CNTLN: variants seen among roughly 807,000 people sequenced by gnomAD.
The protein encoded by CNTLN is centlein, centrosomal protein.
CNTLN carries 212 observed loss-of-function variants against 180.0 expected under a neutral mutation model. The ratio of observed to expected loss-of-function variants is 1.18; its 90% CI spans 1.05 to 1.32. CNTLN has a LOEUF of 1.32. CNTLN is among the 40% of genes most tolerant of loss of function. The probability of loss-of-function intolerance (pLI) is 0.00; values close to 1 mark genes in which losing one functional copy is unlikely to be tolerated. For synonymous variants in CNTLN, 722 were observed against 563.1 expected (o/e 1.28, Z -3.99); for missense variants, 2,095 against 1,610.9 (o/e 1.30, Z -5.14).
intron 8 of CNTLN, among the ~76,000 whole-genome samples, chr9:17,318,610 A>G (rs186040593): frequency 1.5e-3 from 224 of 152,288 alleles, no homozygotes; most frequent in African/African-American, 5.0e-3. Flanking sequence ...GGACAAATGA[A>G]TTTGCTATTT....
At chr9:17,362,772 A>T (rs1470219462) in intron 12 of CNTLN, among the ~76,000 whole-genome samples, 1 of 151,704 alleles carries the variant, frequency 6.6e-6, no homozygotes, top group Non-Finnish European at 1.5e-5. Flanking sequence ...AAGTTCTGGG[A>T]TACATGTGCA....
At chr9:17,391,648 T>C (rs927562677) in intron 14 of CNTLN, among the ~76,000 whole-genome samples, 3 of 152,214 alleles carry the variant, frequency 2.0e-5, no homozygotes, top group African/African-American at 7.2e-5. Flanking sequence ...ATTTATTTGT[T>C]ATATTTGTTT....
chr9:17,431,371 A>T (rs953852770), intron 18 of CNTLN, among the ~76,000 whole-genome samples: 1 of 151,888 alleles, frequency 6.6e-6, no homozygotes, highest in African/African-American at 2.4e-5. Flanking sequence ...TGTCTGTTCA[A>T]ATCTTTTGCC....
chr9:17,324,100 G>A (rs1820104466), intron 8 of CNTLN, among the ~76,000 whole-genome samples: 4 of 152,148 alleles, frequency 2.6e-5, no homozygotes, highest in Admixed American at 2.6e-4. Context: ...TGTATAACAA[G>A]CATAGTCCCT....
At chr9:17,201,746 G>A (rs775067837) in intron 2 of CNTLN, among the ~76,000 whole-genome samples, 15 of 151,602 alleles carry the variant, frequency 9.9e-5, no homozygotes, top group Non-Finnish European at 2.1e-4. Flanking sequence ...TATTAGTCTA[G>A]CTAGTGATCT....
At chr9:17,164,457 G>GTTTTTTTTTT (rs772109564) in intron 2 of CNTLN, among the ~76,000 whole-genome samples, 7 of 68,456 alleles carry the variant, frequency 1.0e-4, no homozygotes, top group South Asian at 6.9e-4. Flanking sequence ...TTATTTTTAT[G>GTTTTTTTTTT]TTTTTTTTTT....
At chr9:17,155,168 A>C (rs997440312) in intron 2 of CNTLN, among the ~76,000 whole-genome samples, 1 of 152,298 alleles carries the variant, frequency 6.6e-6, no homozygotes, top group Non-Finnish European at 1.5e-5. Context: ...TGAAGGAACA[A>C]ACTCTGGACA....
chr9:17,510,605 G>A, the CNTLN span, among the ~76,000 whole-genome samples: 1 of 152,192 alleles, frequency 6.6e-6, no homozygotes, highest in Non-Finnish European at 1.5e-5. Flanking sequence ...TGTCCCCCAA[G>A]CAAGAGAGAA....
In CNTLN at chr9:17,469,784, G is replaced by A. The variant is rs1162725123; in HGVS notation, c.3855+2893G>A. On this transcript the variant is annotated intron_variant, in intron 23 of 25. Transcript: ENST00000380647. ...CAGATTTAACTCTGGGCCTTTCTCT[G>A]TCATGAATCTGTCCTTTAACTCTGT... 2.0e-5 allele frequency among the ~76,000 whole-genome samples: 3 copies of A among 151,844 alleles called. No individual in the cohort carries two copies. In the East Asian group the frequency reaches 5.8e-4, roughly 29 times the overall value.
At chr9:17,247,786 T>TA (rs1319867518) in intron 5 of CNTLN, among the ~76,000 whole-genome samples, 45 of 151,082 alleles carry the variant, frequency 3.0e-4, no homozygotes, top group African/African-American at 1.1e-3. Context: ...TTACTTTTTT[T>TA]TTTTTTTTTG....
At chr9:17,239,155 A>G (rs1488783666) in intron 5 of CNTLN, among the ~76,000 whole-genome samples, 1 of 152,012 alleles carries the variant, frequency 6.6e-6, no homozygotes, top group Non-Finnish European at 1.5e-5. Flanking sequence ...TCTCCTCCCG[A>G]GAAGAGGCAA....
chr9:17,284,498 G>A lies in CNTLN; in HGVS notation c.983+10632G>A, dbSNP rs187407874. ...CTGGCTCAGTTTTGGGAGGGTGTAT[G>A]TGTCTAGGAATTTATCTGTTTCTTC... is the stretch of plus-strand genomic sequence containing the variant. On this transcript the variant is annotated intron_variant, in intron 6 of 25. Coordinates refer to ENST00000380647, the MANE Select transcript of CNTLN (RefSeq NM_017738.4). Among the ~76,000 whole-genome samples, 795 of 152,260 alleles carry A rather than the reference G, an allele frequency of 5.2e-3. 5 individuals carry two copies. Among genetic ancestry groups the A allele is most frequent in the Admixed American group, 8.2e-3 (126 of 15,286 alleles).
intron 13 of CNTLN, among the ~76,000 whole-genome samples, chr9:17,371,448 G>A (rs553814271): frequency 6.6e-6 from 1 of 152,200 alleles, no homozygotes; most frequent in Admixed American, 6.5e-5. Context: ...CACCCAACAC[G>A]CTAGTACCCA....
chr9:17,244,828 A>G (rs769994741), intron 5 of CNTLN, among the ~76,000 whole-genome samples: 2 of 152,106 alleles, frequency 1.3e-5, no homozygotes, highest in Non-Finnish European at 2.9e-5. Context: ...ATTTGAGGTT[A>G]CCATGAGGCT....
At chr9:17,171,188 T>C (rs547734891) in intron 2 of CNTLN, among the ~76,000 whole-genome samples, 1 of 150,528 alleles carries the variant, frequency 6.6e-6, no homozygotes, top group Non-Finnish European at 1.5e-5. Context: ...TGTCATTTTG[T>C]TTTTTGGTGG....
intron 5 of CNTLN, among the ~76,000 whole-genome samples, chr9:17,261,146 C>T (rs909289845): frequency 6.6e-6 from 1 of 151,214 alleles, no homozygotes; most frequent in Non-Finnish European, 1.5e-5. Flanking sequence ...CTTAGGATTG[C>T]TTTGTCTAAT....
At chr9:17,198,688 C>A (rs1587108884) in intron 2 of CNTLN, among the ~76,000 whole-genome samples, 1 of 150,840 alleles carries the variant, frequency 6.6e-6, no homozygotes, top group East Asian at 2.0e-4. Context: ...TTGCCCCCCA[C>A]TCCCCAACAG....
At chr9:17,244,609 A>G (rs1012454703) in intron 5 of CNTLN, among the ~76,000 whole-genome samples, 6 of 152,092 alleles carry the variant, frequency 3.9e-5, no homozygotes, top group African/African-American at 1.2e-4. Flanking sequence ...CTTCCGCATT[A>G]TTAGTGAGTG....
chr9:17,423,628 C>T (rs187745386), intron 18 of CNTLN, among the ~76,000 whole-genome samples: 4 of 152,168 alleles, frequency 2.6e-5, no homozygotes, highest in Admixed American at 6.5e-5. Context: ...GCCCAAGGAC[C>T]GCAGATTTTA....
Sources: allele counts gnomAD v4.1 joint callset (sites outside exome capture counted in the v4.1 genomes callset), GRCh38; gene constraint gnomAD v4.1.1; transcripts MANE v1.5; gene names NCBI Gene and HGNC (gene_info 2026-07-23, HGNC 2026-07-21).